TFAP2B: variants seen among roughly 807,000 people sequenced by gnomAD.
The protein encoded by TFAP2B is transcription factor AP-2 beta, also known as transcription factor AP-2-beta.
Under a neutral mutation model 44.3 loss-of-function variants are expected in TFAP2B, and 9 were observed. The ratio of observed to expected loss-of-function variants is 0.20; its 90% CI spans 0.12 to 0.35. TFAP2B has a LOEUF of 0.35. Among genes scored for constraint, TFAP2B ranks in the 10% least tolerant of loss-of-function variants. TFAP2B has a pLI of 1.00. For synonymous variants in TFAP2B, 270 were observed against 263.8 expected (o/e 1.02, Z -0.23); for missense variants, 509 against 600.0 (o/e 0.85, Z 1.59).
chr6:50,821,562 C>T (rs1022338599), intron 1 of TFAP2B, among the ~76,000 whole-genome samples: 13 of 152,172 alleles, frequency 8.5e-5, no homozygotes, highest in Admixed American at 7.9e-4. Context: ...CTGCTTTACT[C>T]GTGTCCCCGG....
At chr6:50,820,181 G>A (rs1581804562) in intron 1 of TFAP2B, among the ~76,000 whole-genome samples, 1 of 152,244 alleles carries the variant, frequency 6.6e-6, no homozygotes. Context: ...CGGGCCGCTA[G>A]GTCAGACGAA....
chr6:50,819,723 C>T (rs913026575), intron 1 of TFAP2B, among the ~76,000 whole-genome samples: 7 of 152,326 alleles, frequency 4.6e-5, no homozygotes, highest in Non-Finnish European at 1.0e-4. Flanking sequence ...ACGCCAGCCG[C>T]CTCCGGGGCC....
intron 1 of TFAP2B, 122 bp downstream of exon 1, chr6:50,819,094 G>A: frequency 2.0e-6 from 2 of 1,011,068 alleles, no homozygotes; most frequent in Non-Finnish European, 3.0e-6. Flanking sequence ...GGTTTTCTCA[G>A]CTTTTTTTAA....
chr6:50,821,889 G>A (rs1770358662), intron 1 of TFAP2B: 1 of 298,310 alleles, frequency 3.4e-6, no homozygotes, highest in African/African-American at 2.3e-5. Context: ...CCCGAAGAAC[G>A]GCAGAAGAAA....
chr6:50,832,757 A>G (rs976490681), intron 3 of TFAP2B, among the ~76,000 whole-genome samples: 2 of 152,330 alleles, frequency 1.3e-5, no homozygotes, highest in Non-Finnish European at 2.9e-5. Flanking sequence ...ATAATTTCAC[A>G]CTTAAGTTTA....
Position 50,838,011 on chromosome 6 carries a change from AAGGCT to A in TFAP2B, c.861_865del (p.Leu288LysfsTer32). The A allele has an allele frequency of 6.2e-7, 1 of 1,614,238 alleles. No individual in the cohort carries two copies. The highest frequency in any genetic ancestry group is 8.5e-7 in the Non-Finnish European group (1 of 1,180,042). On this transcript the variant is annotated frameshift_variant, in exon 5 of 7. Transcript: ENST00000393655. LOFTEE classifies it high-confidence loss of function. The stretch of plus-strand genomic sequence containing the variant: ...AAAATGGGGGGAGATCTTTGCGAGA[AAGGCT>A]AGAAAAAATCGGTTTGAATTTACCC...
At chr6:50,842,099 T>A (rs866388737) in intron 6 of TFAP2B, among the ~76,000 whole-genome samples, 11 of 152,184 alleles carry the variant, frequency 7.2e-5, no homozygotes, top group Admixed American at 2.6e-4. Flanking sequence ...TAGGTTTATT[T>A]TTTTCCTAAA....
chr6:50,841,440 T>TGGG (rs145327195), intron 6 of TFAP2B, among the ~76,000 whole-genome samples: 1 of 151,606 alleles, frequency 6.6e-6, no homozygotes. Context: ...GGTGTGTGTG[T>TGGG]GGGGGGGATC....
rs951691948 is a variant in TFAP2B at position 50,845,318 on chromosome 6, T to A, written c.*1926T>A. 1 of 151,824 alleles carries A rather than the reference T, an allele frequency of 6.6e-6. No homozygotes were observed. Among genetic ancestry groups the A allele is most frequent in the African/African-American group, 2.4e-5 (1 of 41,298 alleles). The allele number at this position is 151,824 out of a possible 1,614,324, so 9.4% of individuals were successfully genotyped here. On this transcript the variant is annotated 3_prime_UTR_variant, in exon 7 of 7. Coordinates refer to ENST00000393655, the MANE Select transcript of TFAP2B (RefSeq NM_003221.4). ...CCCTCCCGCTTTGCCTTGGTGGGGGTGGGGATTGGGGGAGTGGGGATTGCG... is the reference window on the plus strand; with the variant it reads ...CCCTCCCGCTTTGCCTTGGTGGGGGAGGGGATTGGGGGAGTGGGGATTGCG...
chr6:50,836,287 C>T lies in TFAP2B; in HGVS notation c.821+7C>T, dbSNP rs1252802462. The T allele has an allele frequency of 1.2e-6, 2 of 1,608,786 alleles. No homozygotes were observed. The highest frequency in any genetic ancestry group is 1.7e-6 in the Non-Finnish European group (2 of 1,177,062). On this transcript the variant is annotated splice_region_variant and intron_variant, in intron 4 of 6. Coordinates refer to ENST00000393655, the MANE Select transcript of TFAP2B (RefSeq NM_003221.4). Reference sequence around the variant, plus strand: ...TCGGCGGAGTCCTCAGAAGGTAACCCCACCACGAAAAACAAAAACAAAAAC... The same window carrying T: ...TCGGCGGAGTCCTCAGAAGGTAACCTCACCACGAAAAACAAAAACAAAAAC...
At chr6:50,826,536 G>C (rs1770510363) in intron 2 of TFAP2B, among the ~76,000 whole-genome samples, 1 of 151,924 alleles carries the variant, frequency 6.6e-6, no homozygotes, top group Admixed American at 6.6e-5. Flanking sequence ...TTTGGGTTCT[G>C]GGTATGCTAC....
chr6:50,838,233 G>A, intron 5 of TFAP2B, 140 bp downstream of exon 5: 1 of 785,628 alleles, frequency 1.3e-6, no homozygotes, highest in Non-Finnish European at 2.2e-6. Context: ...GCGGCTTCTT[G>A]AGAGAGGTTC....
intron 4 of TFAP2B, among the ~76,000 whole-genome samples, chr6:50,836,937 A>G (rs1343335839): frequency 6.6e-6 from 1 of 152,244 alleles, no homozygotes; most frequent in African/African-American, 2.4e-5. Flanking sequence ...AGTATTCCAC[A>G]GCCCAGAGAC....
rs1208074574 is a variant in TFAP2B, at chr6:50,846,895, C to T, written c.*3503C>T. ...ACCGAAGAGGCTTTTAAAGACCTGG[C>T]TGCTTTGTTTTCCTTGGCCAAGGAA... On this transcript the variant is annotated 3_prime_UTR_variant, in exon 7 of 7. Coordinates refer to ENST00000393655, the MANE Select transcript of TFAP2B (RefSeq NM_003221.4). The T allele has an allele frequency of 2.6e-5, 4 of 152,578 alleles. No homozygotes were observed. Among genetic ancestry groups the T allele is most frequent in the African/African-American group, 9.7e-5 (4 of 41,424 alleles). 9.5% of individuals were successfully genotyped at this position (152,578 alleles called of 1,614,324 possible).
chr6:50,830,183 C>T (rs1770636500), intron 3 of TFAP2B: 1 of 439,838 alleles, frequency 2.3e-6, no homozygotes, highest in Non-Finnish European at 3.0e-6. Flanking sequence ...GTTCCTCCTC[C>T]CTTTTCATGG....
At chr6:50,823,960 T>C (rs1770434623) in intron 2 of TFAP2B, 95 bp downstream of exon 2, 7 of 1,331,278 alleles carry the variant, frequency 5.3e-6, no homozygotes, top group Admixed American at 2.0e-5. Flanking sequence ...CTCTGTCTCT[T>C]TTTGGGGAGT....
rs1198495397 is a variant in TFAP2B at position 50,847,241 on chromosome 6, A to G, written c.*3849A>G. 1 of 152,292 alleles carries G rather than the reference A, an allele frequency of 6.6e-6. No homozygotes were observed. The highest frequency in any genetic ancestry group is 1.5e-5 in the Non-Finnish European group (1 of 67,972). 9.4% of individuals were successfully genotyped at this position (152,292 alleles called of 1,614,324 possible). On this transcript the variant is annotated 3_prime_UTR_variant, in exon 7 of 7. Transcript: ENST00000393655. ...CGGAATGAACACTATCCTTCTTTAA[A>G]TGCCAAAATCGACTCCACCTTTGAG...
chr6:50,841,301 CA>C (rs1311031056), intron 6 of TFAP2B, among the ~76,000 whole-genome samples: 1 of 152,140 alleles, frequency 6.6e-6, no homozygotes, highest in Non-Finnish European at 1.5e-5. Flanking sequence ...CCATCTCTCC[CA>C]ATGATCAAAA....
At chr6:50,833,990 A>C (rs190692904) in intron 3 of TFAP2B, among the ~76,000 whole-genome samples, 215 of 152,332 alleles carry the variant, frequency 1.4e-3, no homozygotes, top group Middle Eastern at 6.8e-3. Flanking sequence ...TTAAAATTAC[A>C]AAGGGCCATC....
Sources: gnomAD v4.1 joint callset for allele counts (sites outside exome capture counted in the v4.1 genomes callset) on GRCh38, gnomAD v4.1.1 for gene constraint, MANE v1.5 for transcripts, NCBI Gene and HGNC (gene_info 2026-07-23, HGNC 2026-07-21) for gene names.